NELL1: variants seen among roughly 807,000 people sequenced by gnomAD.
The protein encoded by NELL1 is protein kinase C-binding protein NELL1.
A neutral mutation model predicts 107.4 loss-of-function variants in NELL1; 76 were observed. The observed-to-expected ratio is 0.71, with a 90% CI of 0.59 to 0.86. The LOEUF (loss-of-function observed/expected upper bound fraction) is 0.86. NELL1 is among the 40% of genes least tolerant of loss of function. NELL1 has a pLI of 0.00. For missense variants in NELL1, 1,024 were observed against 1,005.5 expected (o/e 1.02, Z -0.25); for synonymous variants, 353 against 341.2 (o/e 1.03, Z -0.38).
At chr11:21,073,228 T>G (rs1299284351) in intron 12 of NELL1, among the ~76,000 whole-genome samples, 2 of 152,172 alleles carry the variant, frequency 1.3e-5, no homozygotes, top group African/African-American at 4.8e-5. Context: ...GTAACCATCA[T>G]GGGTCATCTT....
intron 2 of NELL1, among the ~76,000 whole-genome samples, chr11:20,736,725 C>T (rs1401545499): frequency 6.6e-6 from 1 of 151,510 alleles, no homozygotes; most frequent in Admixed American, 6.6e-5. Context: ...TTTCTGGACC[C>T]CTACCCTCCT....
chr11:21,354,304 T>C (rs1240404669), intron 14 of NELL1, among the ~76,000 whole-genome samples: 1 of 151,978 alleles, frequency 6.6e-6, no homozygotes, highest in Non-Finnish European at 1.5e-5. Context: ...GATATGATGG[T>C]TTTTTCTTTT....
At chr11:21,152,723 A>T (rs2133788871) in intron 13 of NELL1, among the ~76,000 whole-genome samples, 1 of 152,346 alleles carries the variant, frequency 6.6e-6, no homozygotes, top group African/African-American at 2.4e-5. Flanking sequence ...TTAATTAAAC[A>T]AAAATATACA....
chr11:21,114,168 G>C (rs1379590633), intron 13 of NELL1, among the ~76,000 whole-genome samples: 1 of 151,950 alleles, frequency 6.6e-6, no homozygotes, highest in Non-Finnish European at 1.5e-5. Flanking sequence ...GGAGCTGGTC[G>C]AAACTGTATT....
chr11:20,884,500 G>A (rs1389685576), intron 4 of NELL1, among the ~76,000 whole-genome samples: 3 of 117,570 alleles, frequency 2.6e-5, no homozygotes, highest in East Asian at 2.6e-4. Flanking sequence ...AGCATCCAAT[G>A]CTGAGAGGTA....
rs147068022 is a variant in NELL1, at chr11:21,119,038, G to A, written c.1426+5324G>A. Among the ~76,000 whole-genome samples the A allele has an allele frequency of 4.6e-5, 7 of 152,118 alleles. No individual in the cohort carries two copies. The East Asian group carries it at 1.4e-3, about 29-fold the overall frequency. ...GTCACCAAGATTATTAAAAAATAAT[G>A]TCTGTGCCAAGGGGTTCATGGTTTG... On this transcript the variant is annotated intron_variant, in intron 13 of 19. Coordinates refer to ENST00000357134, the MANE Select transcript of NELL1 (RefSeq NM_006157.5).
At chr11:21,149,236 A>T (rs1160246520) in intron 13 of NELL1, among the ~76,000 whole-genome samples, 1 of 152,200 alleles carries the variant, frequency 6.6e-6, no homozygotes, top group Non-Finnish European at 1.5e-5. Flanking sequence ...TAACTGTATC[A>T]TGTAGGTTTA....
chr11:21,155,026 T>G (rs1856201591), intron 13 of NELL1, among the ~76,000 whole-genome samples: 1 of 152,152 alleles, frequency 6.6e-6, no homozygotes. Flanking sequence ...AATGCATTAC[T>G]TCTGGTAAGA....
At chr11:20,792,005 T>G (rs1229505087) in intron 3 of NELL1, among the ~76,000 whole-genome samples, 2 of 152,078 alleles carry the variant, frequency 1.3e-5, no homozygotes, top group African/African-American at 2.4e-5. Context: ...TTTTATGGAT[T>G]CGATTTGATA....
Position 21,477,397 on chromosome 11 carries a change from T to C in NELL1, c.1646-56977T>C, listed in dbSNP as rs1007056509. Among the ~76,000 whole-genome samples the C allele has an allele frequency of 2.0e-5, 3 of 152,202 alleles. No homozygotes were observed. In the East Asian group the frequency reaches 5.8e-4, roughly 29 times the overall value. ...AGGGAAGAGAATAAGAGTCTCTGCC[T>C]TATAATTCAGGAAATTTTTTCAGAT... is the stretch of plus-strand genomic sequence containing the variant. On this transcript the variant is annotated intron_variant, in intron 15 of 19. Transcript: ENST00000357134.
intron 12 of NELL1, among the ~76,000 whole-genome samples, chr11:21,022,953 G>C (rs1465508006): frequency 6.6e-6 from 1 of 152,024 alleles, no homozygotes; most frequent in Non-Finnish European, 1.5e-5. Context: ...TGATAGGAAA[G>C]AAGGGCCACA....
chr11:20,734,252 T>C (rs2133925740), intron 2 of NELL1, among the ~76,000 whole-genome samples: 1 of 152,256 alleles, frequency 6.6e-6, no homozygotes, highest in African/African-American at 2.4e-5. Context: ...AGACAGATCA[T>C]ATTGGGCCTT....
intron 14 of NELL1, among the ~76,000 whole-genome samples, chr11:21,245,059 C>T (rs888547411): frequency 6.6e-6 from 1 of 152,112 alleles, no homozygotes; most frequent in Non-Finnish European, 1.5e-5. Flanking sequence ...GCCATGCATC[C>T]TTCTTACATG....
At chr11:21,350,773 G>A (rs76344117) in intron 14 of NELL1, among the ~76,000 whole-genome samples, 376 of 152,282 alleles carry the variant, frequency 2.5e-3, no homozygotes, top group African/African-American at 8.7e-3. Flanking sequence ...AAACAGATCA[G>A]TGGGAAGACA....
At chr11:20,780,889 G>A (rs910280869) in intron 2 of NELL1, among the ~76,000 whole-genome samples, 2 of 152,128 alleles carry the variant, frequency 1.3e-5, no homozygotes, top group African/African-American at 4.8e-5. Flanking sequence ...AATGGGGTGG[G>A]AAAGGCAGGC....
intron 3 of NELL1, among the ~76,000 whole-genome samples, chr11:20,803,988 C>T (rs1358510452): frequency 6.6e-6 from 1 of 152,130 alleles, no homozygotes; most frequent in Admixed American, 6.5e-5. Context: ...GGAACTCGGA[C>T]TGACTCTCCT....
intron 14 of NELL1, among the ~76,000 whole-genome samples, chr11:21,287,365 T>G (rs1246659125): frequency 1.3e-5 from 2 of 152,198 alleles, no homozygotes; most frequent in Non-Finnish European, 2.9e-5. Flanking sequence ...ATTTTCACAA[T>G]GCATCCAGCA....
intron 10 of NELL1, among the ~76,000 whole-genome samples, chr11:20,943,351 G>A (rs999853125): frequency 1.3e-5 from 2 of 152,082 alleles, no homozygotes; most frequent in African/African-American, 2.4e-5. Flanking sequence ...TTGGGAGGCT[G>A]AGGTGGGTGG....
intron 15 of NELL1, among the ~76,000 whole-genome samples, chr11:21,425,031 C>CA (rs939369353): frequency 1.2e-4 from 18 of 151,930 alleles, no homozygotes; most frequent in African/African-American, 4.1e-4. Flanking sequence ...CAAACATCCT[C>CA]AAAAAAATAC....
Sources: allele counts gnomAD v4.1 joint callset (sites outside exome capture counted in the v4.1 genomes callset), GRCh38; gene constraint gnomAD v4.1.1; transcripts MANE v1.5; gene names NCBI Gene and HGNC (gene_info 2026-07-23, HGNC 2026-07-21).